ST3GAL1: variants seen among roughly 807,000 people sequenced by gnomAD.
ST3GAL1 encodes ST3 beta-galactoside alpha-2,3-sialyltransferase 1.
Under a neutral mutation model 34.1 loss-of-function variants are expected in ST3GAL1, and 16 were observed. The ratio of observed to expected loss-of-function variants is 0.47; its 90% CI spans 0.32 to 0.71. The LOEUF is 0.71. ST3GAL1 is among the 30% of genes least tolerant of loss of function. The pLI, the probability that ST3GAL1 is intolerant of heterozygous loss-of-function variation, is 0.04. For synonymous variants in ST3GAL1, 191 were observed against 184.7 expected (o/e 1.03, Z -0.28); for missense variants, 353 against 447.4 (o/e 0.79, Z 1.90).
chr8:133,495,639 C>A (rs549860064), intron 3 of ST3GAL1, among the ~76,000 whole-genome samples: 1 of 152,272 alleles, frequency 6.6e-6, no homozygotes, highest in Admixed American at 6.5e-5. Context: ...GCAACCAATC[C>A]TGAGACATGA....
At chr8:133,473,033 C>T (rs1157298654) in intron 5 of ST3GAL1, among the ~76,000 whole-genome samples, 1 of 152,184 alleles carries the variant, frequency 6.6e-6, no homozygotes, top group African/African-American at 2.4e-5. Flanking sequence ...TTCAAAGTCA[C>T]TCCTGATGGG....
rs1418481670 is a variant in ST3GAL1, at chr8:133,570,016, T to A, written c.-582+1677A>T. The A allele has an allele frequency of 6.6e-6, 1 of 152,386 alleles. No homozygotes were observed. The highest frequency in any genetic ancestry group is 1.5e-5 in the Non-Finnish European group (1 of 68,162). The allele number at this position is 152,386 out of a possible 1,614,324, so 9.4% of individuals were successfully genotyped here. Reference sequence around the variant, plus strand: ...GGGCGTCCGGGCCCCTGCCAGCACCTTCCACCTTGGGGCCTTGTCAATGAA... The same window carrying A: ...GGGCGTCCGGGCCCCTGCCAGCACCATCCACCTTGGGGCCTTGTCAATGAA... On this transcript the variant is annotated intron_variant, in intron 1 of 9. Transcript: ENST00000522652. The surrounding 1 kb of genome is among the most constrained non-coding windows in gnomAD (Gnocchi z 5.6).
intron 2 of ST3GAL1, among the ~76,000 whole-genome samples, chr8:133,533,984 T>G (rs1225643331): frequency 6.6e-6 from 1 of 152,104 alleles, no homozygotes; most frequent in Admixed American, 6.5e-5. Context: ...TATAGCATAA[T>G]TGTTTGGGGC....
intron 2 of ST3GAL1, among the ~76,000 whole-genome samples, chr8:133,519,815 T>C (rs181467012): frequency 2.7e-4 from 41 of 152,138 alleles, no homozygotes; most frequent in African/African-American, 8.9e-4. Flanking sequence ...CGGGGCATGA[T>C]AGCACTTGTC....
chr8:133,480,909 A>G (rs895507032), intron 3 of ST3GAL1, among the ~76,000 whole-genome samples: 1 of 151,900 alleles, frequency 6.6e-6, no homozygotes, highest in South Asian at 2.1e-4. Context: ...TCAGTTCTTC[A>G]TTTCAGTGGT....
chr8:133,533,720 C>T (rs1020424960), intron 2 of ST3GAL1, among the ~76,000 whole-genome samples: 2 of 152,216 alleles, frequency 1.3e-5, no homozygotes, highest in African/African-American at 4.8e-5. Context: ...CATCTCCCTT[C>T]CACTCCTAAT....
intron 2 of ST3GAL1, among the ~76,000 whole-genome samples, chr8:133,528,799 G>C (rs1216059285): frequency 1.3e-5 from 2 of 151,508 alleles, no homozygotes; most frequent in African/African-American, 4.9e-5. Context: ...AGGGCTCCAA[G>C]GGTAGGACCA....
In ST3GAL1 at chr8:133,547,016, A is replaced by AG. The variant is rs1470481428; in HGVS notation, c.-581-1091_-581-1090insC. ...AGACTCCATCTCAGGAAAAAAAAAA[A>AG]AAAAGACTTCATCTGACAGGAAGAA... is the stretch of plus-strand genomic sequence containing the variant. On this transcript the variant is annotated intron_variant, in intron 1 of 9. Coordinates refer to ENST00000522652, the MANE Select transcript of ST3GAL1 (RefSeq NM_173344.3). 6.9e-5 allele frequency among the ~76,000 whole-genome samples: 7 copies of AG among 101,328 alleles called. 1 individual carries two copies. Among genetic ancestry groups the AG allele is most frequent in the African/African-American group, 3.8e-4 (7 of 18,300 alleles). 66.5% of individuals were successfully genotyped at this position (101,328 alleles called of 152,430 possible). A position where few individuals can be genotyped will look rare whatever the true frequency, so the allele number is the denominator to read the frequency against.
At chr8:133,557,013 A>C (rs1339244846) in intron 1 of ST3GAL1, among the ~76,000 whole-genome samples, 1 of 152,156 alleles carries the variant, frequency 6.6e-6, no homozygotes, top group African/African-American at 2.4e-5. Flanking sequence ...CAACCCCCCA[A>C]CCTGACCCTC....
chr8:133,489,380 C>T (rs777916635), intron 3 of ST3GAL1, among the ~76,000 whole-genome samples: 1 of 152,172 alleles, frequency 6.6e-6, no homozygotes, highest in Non-Finnish European at 1.5e-5. Flanking sequence ...TCCCGCCCCT[C>T]CCCGGACACC....
intron 1 of ST3GAL1, among the ~76,000 whole-genome samples, chr8:133,564,452 C>A (rs1457572813): frequency 6.7e-6 from 1 of 150,344 alleles, no homozygotes; most frequent in Non-Finnish European, 1.5e-5. Flanking sequence ...CACAATAAAG[C>A]CAATTTAGGT....
At chr8:133,510,155 C>T (rs1258560645) in intron 2 of ST3GAL1, among the ~76,000 whole-genome samples, 1 of 151,970 alleles carries the variant, frequency 6.6e-6, no homozygotes, top group Non-Finnish European at 1.5e-5. Context: ...CTGCATCACA[C>T]ACCTGTTTTC....
intron 2 of ST3GAL1, among the ~76,000 whole-genome samples, chr8:133,533,901 A>C (rs1818228358): frequency 6.6e-6 from 1 of 152,224 alleles, no homozygotes; most frequent in Admixed American, 6.5e-5. Flanking sequence ...ATATGCAAAT[A>C]AGCAGCAACA....
At chr8:133,503,248 A>C (rs906538359) in intron 2 of ST3GAL1, among the ~76,000 whole-genome samples, 3 of 152,034 alleles carry the variant, frequency 2.0e-5, no homozygotes, top group Admixed American at 2.0e-4. Context: ...GCCCCCCAAC[A>C]AACGTTTGAT....
At chr8:133,562,429 C>T (rs948792109) in intron 1 of ST3GAL1, among the ~76,000 whole-genome samples, 2 of 152,030 alleles carry the variant, frequency 1.3e-5, no homozygotes, top group African/African-American at 2.4e-5. Flanking sequence ...AGGATGGTCT[C>T]GATCTCTTGA....
intron 2 of ST3GAL1, chr8:133,516,212 TATA>T (rs1227259034): frequency 6.6e-6 from 1 of 152,166 alleles, no homozygotes; most frequent in Non-Finnish European, 1.5e-5. Flanking sequence ...GCCTAGAAGG[TATA>T]ATTTTATCAA....
chr8:133,474,310 C>T (rs1426642223), intron 5 of ST3GAL1, among the ~76,000 whole-genome samples: 2 of 152,142 alleles, frequency 1.3e-5, no homozygotes, highest in Admixed American at 1.3e-4. Context: ...GTCTGTTTTC[C>T]CTTCTCTCCC....
intron 7 of ST3GAL1, among the ~76,000 whole-genome samples, chr8:133,463,671 T>A (rs1028402851): frequency 3.3e-5 from 5 of 152,084 alleles, no homozygotes; most frequent in Non-Finnish European, 2.9e-5. Context: ...CTTTCCTAAT[T>A]TGAGGACATT....
intron 3 of ST3GAL1, 35 bp downstream of exon 3, chr8:133,499,100 G>A (rs1473181049): frequency 5.3e-5 from 8 of 152,350 alleles, no homozygotes; most frequent in African/African-American, 1.9e-4. Context: ...TGGAGTGAAA[G>A]AGAGCTGGGT....
Sources: gnomAD v4.1 joint callset for allele counts (sites outside exome capture counted in the v4.1 genomes callset) on GRCh38, gnomAD v4.1.1 for gene constraint, Gnocchi (gnomAD v3.1) non-coding constraint, MANE v1.5 for transcripts, NCBI Gene and HGNC (gene_info 2026-07-23, HGNC 2026-07-21) for gene names.